ANK3: variants seen among roughly 807,000 people sequenced by gnomAD.
ANK3 encodes the protein ankyrin 3, also known as ankyrin-3.
A neutral mutation model predicts 370.9 loss-of-function variants in ANK3; 57 were observed. The observed-to-expected ratio is 0.15, with a 90% CI of 0.12 to 0.19. The LOEUF (loss-of-function observed/expected upper bound fraction) is 0.19. ANK3 is among the 10% of genes least tolerant of loss of function. The pLI is 1.00. For missense variants in ANK3, 4,439 were observed against 5,302.1 expected (o/e 0.84, Z 5.06); for synonymous variants, 1,929 against 1,946.3 (o/e 0.99, Z 0.23).
chr10:60,730,098 A>G (rs2079999437), intron 1 of ANK3, among the ~76,000 whole-genome samples: 1 of 152,184 alleles, frequency 6.6e-6, no homozygotes, highest in Admixed American at 6.5e-5. Flanking sequence ...GAGTCTAATC[A>G]GGAAAAAAGA....
rs973083615 is a variant in ANK3, at chr10:60,553,614, G to A, written c.96+61572C>T. ...CAAAATTATCTCTTCAGTGCCTTGG[G>A]GAACACAATGCAGCCAGTGCTCATT... is the stretch of plus-strand genomic sequence containing the variant. On this transcript the variant is annotated intron_variant, in intron 2 of 43. Transcript: ENST00000373827. Among the ~76,000 whole-genome samples, 13 of 152,134 alleles carry A rather than the reference G, an allele frequency of 8.5e-5. 1 individual carries two copies. The highest frequency in any genetic ancestry group is 7.9e-4 in the Admixed American group (12 of 15,268).
intron 1 of ANK3, among the ~76,000 whole-genome samples, chr10:60,340,422 T>C (rs892762840): frequency 1.8e-4 from 27 of 152,120 alleles, no homozygotes; most frequent in Middle Eastern, 6.3e-3. Context: ...TTTCTTTCTT[T>C]CTTTCTGAGG....
chr10:60,472,624 T>C (rs1345925738), intron 2 of ANK3, among the ~76,000 whole-genome samples: 1 of 152,190 alleles, frequency 6.6e-6, no homozygotes, highest in African/African-American at 2.4e-5. Context: ...ATCAGAACAA[T>C]GAATTCTTTT....
At chr10:60,156,242 T>G (rs896674925) in intron 23 of ANK3, among the ~76,000 whole-genome samples, 9 of 152,130 alleles carry the variant, frequency 5.9e-5, no homozygotes, top group African/African-American at 2.2e-4. Flanking sequence ...CTTTGTCATG[T>G]AACTTGGGTA....
Position 60,075,600 on chromosome 10 carries a change from C to T in ANK3, c.5281G>A (p.Asp1761Asn). ...SVSSVVSAAT[D>N]TVEKVFSTTT... ...GTAGAAAACACTTTCTCAACTGTGT[C>T]AGTGGCTGCACTGACCACAGAGCTC... Residue 1761 changes from aspartate (D) to asparagine (N), a missense_variant, in exon 37 of 44, where the codon GAC (aspartate) becomes AAC (asparagine). Transcript: ENST00000280772. 1 of 1,614,070 alleles carries T rather than the reference C, an allele frequency of 6.2e-7. No homozygotes were observed. The highest frequency in any genetic ancestry group is 1.1e-5 in the South Asian group (1 of 91,058).
intron 43 of ANK3, among the ~76,000 whole-genome samples, chr10:60,040,920 A>T (rs1319405680): frequency 6.6e-6 from 1 of 152,174 alleles, no homozygotes; most frequent in Non-Finnish European, 1.5e-5. Flanking sequence ...CAAGATAACA[A>T]ACTCATGCTT....
At chr10:60,588,629 A>ATT (rs965874347) in intron 2 of ANK3, among the ~76,000 whole-genome samples, 1 of 151,666 alleles carries the variant, frequency 6.6e-6, no homozygotes, top group African/African-American at 2.4e-5. Context: ...CAAAAAATAT[A>ATT]TTACAAAGGG....
intron 21 of ANK3, among the ~76,000 whole-genome samples, chr10:60,168,166 C>G (rs2095674290): frequency 6.6e-6 from 1 of 152,286 alleles, no homozygotes; most frequent in Non-Finnish European, 1.5e-5. Context: ...GCTGGGATTA[C>G]AGACGTGCAT....
At chr10:60,300,317 A>T (rs1593294963) in intron 1 of ANK3, 1 of 1,273,610 alleles carries the variant, frequency 7.9e-7, no homozygotes, top group East Asian at 5.6e-5. Context: ...GTAAATGCTT[A>T]CTTGTTCTGG....
intron 42 of ANK3, among the ~76,000 whole-genome samples, chr10:60,046,838 G>T (rs1457721891): frequency 7.4e-6 from 1 of 134,308 alleles, no homozygotes; most frequent in Non-Finnish European, 1.5e-5. Flanking sequence ...ATGGAGTCTC[G>T]CTCTGTTGCC....
intron 28 of ANK3, among the ~76,000 whole-genome samples, chr10:60,096,160 G>A (rs1041481882): frequency 6.6e-6 from 1 of 152,060 alleles, no homozygotes; most frequent in Non-Finnish European, 1.5e-5. Context: ...GTGACACAGC[G>A]AGACTCCATC....
chr10:60,457,369 A>G (rs1426555113), intron 2 of ANK3, among the ~76,000 whole-genome samples: 4 of 152,148 alleles, frequency 2.6e-5, no homozygotes, highest in Non-Finnish European at 5.9e-5. Context: ...GTGCTAATGT[A>G]TGGATGTTGA....
At chr10:60,569,179 C>T (rs2133262727) in intron 2 of ANK3, among the ~76,000 whole-genome samples, 2 of 152,216 alleles carry the variant, frequency 1.3e-5, no homozygotes, top group South Asian at 4.1e-4. Context: ...TCAGAGGGGG[C>T]AATATGTTAT....
intron 1 of ANK3, among the ~76,000 whole-genome samples, chr10:60,641,292 T>C (rs1348447188): frequency 2.6e-5 from 4 of 150,974 alleles, no homozygotes; most frequent in Non-Finnish European, 5.9e-5. Flanking sequence ...TTAAAGTTCA[T>C]ATGGAACCAA....
intron 23 of ANK3, among the ~76,000 whole-genome samples, chr10:60,153,258 C>A (rs542963226): frequency 3.7e-4 from 56 of 152,214 alleles, no homozygotes; most frequent in African/African-American, 9.9e-4. Context: ...TGTTTAAAGG[C>A]TTGTGTGGAT....
upstream of ANK3, among the ~76,000 whole-genome samples, chr10:60,390,729 A>AACACAC (rs572520321): frequency 3.7e-3 from 398 of 107,070 alleles, no homozygotes; most frequent in African/African-American, 8.6e-3. Context: ...TAAAAAAAAG[A>AACACAC]ACACACACAC....
At chr10:60,299,142 T>G (rs1280872587) in intron 1 of ANK3, among the ~76,000 whole-genome samples, 1 of 152,188 alleles carries the variant, frequency 6.6e-6, no homozygotes, top group African/African-American at 2.4e-5. Context: ...TAAAAACTCT[T>G]TCTCTGAGAC....
At chr10:60,523,602 T>C (rs2076401766) in intron 2 of ANK3, among the ~76,000 whole-genome samples, 1 of 152,014 alleles carries the variant, frequency 6.6e-6, no homozygotes, top group Non-Finnish European at 1.5e-5. Context: ...TAGTATTCCA[T>C]GGTGTATATG....
At chr10:60,459,615 T>C (rs2064834058) in intron 2 of ANK3, among the ~76,000 whole-genome samples, 1 of 152,176 alleles carries the variant, frequency 6.6e-6, no homozygotes, top group African/African-American at 2.4e-5. Flanking sequence ...GCTTCTTTTG[T>C]CAGCTTTAAT....
Sources: allele counts gnomAD v4.1 joint callset (sites outside exome capture counted in the v4.1 genomes callset), GRCh38; gene constraint gnomAD v4.1.1; transcripts MANE v1.5; gene names NCBI Gene and HGNC (gene_info 2026-07-23, HGNC 2026-07-21).